The following EYS variants were observed in gnomAD, a reference collection of about 807,000 sequenced individuals.
EYS encodes protein eyes shut homolog.
A neutral mutation model predicts 282.1 loss-of-function variants in EYS; 250 were observed. That is an observed-to-expected ratio of 0.89 (90% confidence interval 0.80 to 0.98). EYS has a LOEUF of 0.98. Ranked by LOEUF, EYS falls within the 50% of genes least tolerant of loss-of-function variation. The pLI is 0.00. For synonymous variants in EYS, 1,355 were observed against 1,282.9 expected (o/e 1.06, Z -1.20); for missense variants, 4,016 against 3,709.0 (o/e 1.08, Z -2.15).
At chr6:65,108,431 G>A (rs1236143641) in intron 12 of EYS, among the ~76,000 whole-genome samples, 1 of 152,064 alleles carries the variant, frequency 6.6e-6, no homozygotes, top group Non-Finnish European at 1.5e-5. Context: ...CTTAGCAGCT[G>A]GGACTAAAGG....
intron 5 of EYS, among the ~76,000 whole-genome samples, chr6:65,476,675 C>G (rs1326230780): frequency 6.6e-6 from 1 of 152,160 alleles, no homozygotes; most frequent in African/African-American, 2.4e-5. Context: ...CTCCCAGGAT[C>G]AAGTGATTCT....
At chr6:65,543,917 G>A (rs1768277075) in intron 2 of EYS, among the ~76,000 whole-genome samples, 1 of 152,092 alleles carries the variant, frequency 6.6e-6, no homozygotes, top group African/African-American at 2.4e-5. Flanking sequence ...GCATAGTAGA[G>A]ATGGCCTTGC....
chr6:63,770,782 G>A (rs1480910986), intron 40 of EYS, among the ~76,000 whole-genome samples: 3 of 152,076 alleles, frequency 2.0e-5, no homozygotes, highest in Non-Finnish European at 4.4e-5. Context: ...CTCAAAATTT[G>A]AAGTCTTTGA....
intron 19 of EYS, among the ~76,000 whole-genome samples, chr6:64,876,972 C>A (rs904633153): frequency 6.6e-6 from 1 of 152,080 alleles, no homozygotes; most frequent in Non-Finnish European, 1.5e-5. Context: ...AAAATGATCA[C>A]TCTGGGTGCT....
At chr6:65,474,098 A>T (rs1398714263) in intron 5 of EYS, among the ~76,000 whole-genome samples, 1 of 152,106 alleles carries the variant, frequency 6.6e-6, no homozygotes, top group African/African-American at 2.4e-5. Flanking sequence ...TCAATTAGTG[A>T]GGAGAAACCA....
At chr6:65,683,018 A>G (rs1490215331) in intron 1 of EYS, among the ~76,000 whole-genome samples, 1 of 151,802 alleles carries the variant, frequency 6.6e-6, no homozygotes, top group East Asian at 1.9e-4. Flanking sequence ...CTATGTTCAG[A>G]TATGGATCAA....
chr6:64,762,350 G>C (rs893667237), intron 22 of EYS, among the ~76,000 whole-genome samples: 2 of 152,014 alleles, frequency 1.3e-5, no homozygotes, highest in African/African-American at 4.8e-5. Context: ...CACTCATTAG[G>C]GACTCAATTC....
intron 2 of EYS, among the ~76,000 whole-genome samples, chr6:65,513,980 C>T (rs141473372): frequency 0.012 from 1,875 of 152,040 alleles, 18 homozygotes; most frequent in Middle Eastern, 0.054. Flanking sequence ...GTATTCAATT[C>T]GGAAAAGAGG....
intron 19 of EYS, among the ~76,000 whole-genome samples, chr6:64,825,953 A>G (rs1765044539): frequency 6.6e-6 from 1 of 151,814 alleles, no homozygotes; most frequent in African/African-American, 2.4e-5. Flanking sequence ...TATTATAACA[A>G]CAAGATTGTT....
rs958479853 is a variant in EYS, at chr6:64,454,103, A to T, written c.5645-14751T>A. On this transcript the variant is annotated intron_variant, in intron 26 of 42. Coordinates refer to ENST00000503581, the MANE Select transcript of EYS (RefSeq NM_001142800.2). ...CTTCCACCCCTACCTTTGGCCTTGC[A>T]ATGTAGAGTACCAATTATTCTAGGA... 3.3e-5 allele frequency among the ~76,000 whole-genome samples: 5 copies of T among 152,240 alleles called. No individual in the cohort carries two copies. The East Asian group carries it at 9.7e-4, about 29-fold the overall frequency.
rs528011521 is a variant in EYS at position 63,736,099 on chromosome 6, A to G, written c.8072-9419T>C. On this transcript the variant is annotated intron_variant, in intron 41 of 42. Transcript: ENST00000503581. ...TTCACTTAAAATTCTGTGTTTTCCC[A>G]TTTGTCAATTTTGGCTTTTGTTGCC... is the stretch of plus-strand genomic sequence containing the variant. Among the ~76,000 whole-genome samples the G allele has an allele frequency of 2.2e-4, 33 of 152,150 alleles. No individual in the cohort carries two copies. In the South Asian group the frequency reaches 4.3e-3, roughly 20 times the overall value.
intron 19 of EYS, among the ~76,000 whole-genome samples, chr6:64,851,067 A>T (rs1765867126): frequency 6.6e-6 from 1 of 152,104 alleles, no homozygotes; most frequent in African/African-American, 2.4e-5. Context: ...ATCAATTAGC[A>T]TATTTAACAA....
At chr6:64,454,476 G>A (rs1193741787) in intron 26 of EYS, among the ~76,000 whole-genome samples, 1 of 152,098 alleles carries the variant, frequency 6.6e-6, no homozygotes, top group South Asian at 2.1e-4. Context: ...TACTGAAAAT[G>A]TATAAGTACA....
At chr6:65,291,729 G>C (rs1562076207) in intron 12 of EYS, among the ~76,000 whole-genome samples, 1 of 151,492 alleles carries the variant, frequency 6.6e-6, no homozygotes, top group Non-Finnish European at 1.5e-5. Flanking sequence ...CATCTTTGGA[G>C]TCTACTAAAA....
chr6:65,408,464 T>C (rs1766846964), intron 5 of EYS, among the ~76,000 whole-genome samples: 1 of 152,120 alleles, frequency 6.6e-6, no homozygotes, highest in African/African-American at 2.4e-5. Context: ...AATTTACATA[T>C]ATTTAAGAAT....
chr6:64,027,690 G>A (rs966655342), intron 33 of EYS, among the ~76,000 whole-genome samples: 1 of 152,196 alleles, frequency 6.6e-6, no homozygotes, highest in African/African-American at 2.4e-5. Flanking sequence ...ATTGTCCAAT[G>A]AGAAACAAGC....
intron 33 of EYS, among the ~76,000 whole-genome samples, chr6:64,041,192 G>T (rs1770372915): frequency 6.6e-6 from 1 of 151,962 alleles, no homozygotes; most frequent in African/African-American, 2.4e-5. Flanking sequence ...AGGATCATAT[G>T]GACCCCCACA....
At chr6:64,537,458 C>T (rs1764556950) in intron 26 of EYS, among the ~76,000 whole-genome samples, 1 of 152,036 alleles carries the variant, frequency 6.6e-6, no homozygotes, top group African/African-American at 2.4e-5. Flanking sequence ...TTTTGTTGAA[C>T]ACATGGATAA....
At chr6:64,321,495 A>T (rs1316860114) in intron 29 of EYS, among the ~76,000 whole-genome samples, 1 of 151,958 alleles carries the variant, frequency 6.6e-6, no homozygotes, top group Non-Finnish European at 1.5e-5. Context: ...GAGTGATATT[A>T]TGGTGAGTAA....
Sources: allele counts gnomAD v4.1 joint callset (sites outside exome capture counted in the v4.1 genomes callset), GRCh38; gene constraint gnomAD v4.1.1; transcripts MANE v1.5; gene names NCBI Gene and HGNC (gene_info 2026-07-23, HGNC 2026-07-21).